Variants in TMPRSS11B observed in about 807,000 individuals in gnomAD.
TMPRSS11B encodes transmembrane serine protease 11B.
TMPRSS11B carries 53 observed loss-of-function variants against 44.7 expected under a neutral mutation model. The ratio of observed to expected loss-of-function variants is 1.19; its 90% confidence interval spans 0.95 to 1.49. The LOEUF (loss-of-function observed/expected upper bound fraction) is 1.49. Ranked by LOEUF, TMPRSS11B falls within the 40% of genes most tolerant of loss-of-function variation. The pLI is 0.00. For synonymous variants in TMPRSS11B, 140 were observed against 159.2 expected, an observed-to-expected ratio of 0.88 and a Z score of 0.91; for missense variants, 526 against 494.8, an observed-to-expected ratio of 1.06 and a Z score of -0.60.
intron 4 of TMPRSS11B, 129 bp from the exon 5 acceptor site, chr4:68,234,752 T>C: frequency 1.1e-6 from 1 of 882,242 alleles, no homozygotes; most frequent in Non-Finnish European, 1.7e-6. Flanking sequence ...ATACATATAC[T>C]ATCTAAGCAT....
rs948859664 is a variant in TMPRSS11B at position 68,232,402 on chromosome 4, C to G, written c.484G>C (p.Ala162Pro). 14 of 1,611,808 alleles carry G rather than the reference C, an allele frequency of 8.7e-6. No homozygotes were observed. Among genetic ancestry groups the G allele is most frequent in the Non-Finnish European group, 1.1e-5 (13 of 1,179,004 alleles). Reference sequence around the variant, plus strand: ...CAGTTGTTGGTAAGCATTTCAGAAGCAGCCTTGCTGATTTCTGAAAGTGAA... The same window carrying G: ...CAGTTGTTGGTAAGCATTTCAGAAGGAGCCTTGCTGATTTCTGAAAGTGAA... ...SIKLMEISKA[A>P]SEMLTNNCCG... Residue 162 changes from alanine to proline, a missense_variant, in exon 6 of 10, where the codon GCT becomes CCT. Transcript: ENST00000332644.
chr4:68,228,873 C>T lies in TMPRSS11B; in HGVS notation c.958G>A (p.Val320Met), dbSNP rs776564445. The T allele has an allele frequency of 6.2e-7, 1 of 1,612,414 alleles. No homozygotes were observed. ...GTLYMNGSFP[V>M]ILQEDFLKII... ...TTCAAAAAGTCTTCTTGAAGTATCA[C>T]TGGAAATGAACCTAAAAGCAATAAG... The change falls in exon 9 of 10, where the codon GTG becomes ATG. Residue 320 changes from valine to methionine, a missense_variant. Physicochemically the swap from Val to Met is conservative, Grantham distance 21. Transcript: ENST00000332644.
intron 1 of TMPRSS11B, among the ~76,000 whole-genome samples, chr4:68,242,592 C>A (rs1719892051): frequency 6.8e-6 from 1 of 146,816 alleles, no homozygotes; most frequent in East Asian, 2.0e-4. Flanking sequence ...TTTTTTGAGA[C>A]AGAGCCTCAC....
chr4:68,239,940 T>C (rs940486739), intron 2 of TMPRSS11B, among the ~76,000 whole-genome samples: 7 of 152,200 alleles, frequency 4.6e-5, no homozygotes, highest in African/African-American at 1.4e-4. Context: ...TGGTTATACA[T>C]GTGTATTAAG....
At chr4:68,238,844 AC>A (rs1264274538) in intron 2 of TMPRSS11B, among the ~76,000 whole-genome samples, 1 of 152,206 alleles carries the variant, frequency 6.6e-6, no homozygotes, top group Admixed American at 6.5e-5. Flanking sequence ...GAAGCTTGTC[AC>A]CAAATGACTA....
In TMPRSS11B at chr4:68,236,113, A is replaced by G. The variant is rs548583731; in HGVS notation, c.240+38T>C. 1.3e-5 allele frequency: 20 copies of G among 1,563,764 alleles called. No individual in the cohort carries two copies. In the East Asian group the frequency reaches 4.3e-4, roughly 34 times the overall value. On this transcript the variant is annotated intron_variant, in intron 3 of 9. Transcript: ENST00000332644. Reference sequence around the variant, plus strand: ...CAGTCATCATGTATGTTTCAATCAAATTTATAATAAAATTAATTTTAAAAA... The same window carrying G: ...CAGTCATCATGTATGTTTCAATCAAGTTTATAATAAAATTAATTTTAAAAA...
At position 68,239,264 on chromosome 4, in the gene TMPRSS11B, GCGCGCGCGCT is replaced by G. The variant is rs1560444270; in HGVS notation, c.124+2415_124+2424del. Among the ~76,000 whole-genome samples, 388 of 144,890 alleles carry G rather than the reference GCGCGCGCGCT, an allele frequency of 2.7e-3. 1 individual carries two copies. Among genetic ancestry groups the G allele is most frequent in the African/African-American group, 0.01 (371 of 36,622 alleles). On this transcript the variant is annotated intron_variant, in intron 2 of 9. Coordinates refer to ENST00000332644, the MANE Select transcript of TMPRSS11B (RefSeq NM_182502.3). ...AGATCTCTCTTGCGCGCTCTCTCTC[GCGCGCGCGCT>G]CTCTCTCTCGCACTCTATCTCTCTC...
chr4:68,231,084 A>G, intron 7 of TMPRSS11B, 119 bp downstream of exon 7: 14 of 810,516 alleles, frequency 1.7e-5, no homozygotes, highest in Non-Finnish European at 2.5e-5. Flanking sequence ...TAAATGTTCT[A>G]TGTGATTGTA....
chr4:68,242,282 TATTATATTATACATAATATAA>T (rs1200559502), intron 1 of TMPRSS11B, among the ~76,000 whole-genome samples: 2 of 78,510 alleles, frequency 2.5e-5, no homozygotes, highest in East Asian at 3.1e-4. Context: ...ATATTATATA[TATTATATTATACATAATATAA>T]TATATATAAT....
chr4:68,244,575 A>T lies in TMPRSS11B; in HGVS notation c.8+976T>A, dbSNP rs184063747. Among the ~76,000 whole-genome samples, 8 of 152,358 alleles carry T rather than the reference A, an allele frequency of 5.3e-5. No individual in the cohort carries two copies. In the East Asian group the frequency reaches 1.5e-3, roughly 29 times the overall value. ...CAGCTCCATCACAGGGGAAAAAAATAAATGAAAACTCATTGCCATTCTGGC... is the reference window on the plus strand; with the variant it reads ...CAGCTCCATCACAGGGGAAAAAAATTAATGAAAACTCATTGCCATTCTGGC... On this transcript the variant is annotated intron_variant, in intron 1 of 9. Coordinates refer to ENST00000332644, the MANE Select transcript of TMPRSS11B (RefSeq NM_182502.3).
Position 68,232,366 on chromosome 4 carries a change from T to A in TMPRSS11B, c.508+12A>T. 6.2e-7 allele frequency: 1 copy of A among 1,611,022 alleles called. No homozygotes were observed. On this transcript the variant is annotated intron_variant, in intron 6 of 9. Coordinates refer to ENST00000332644, the MANE Select transcript of TMPRSS11B (RefSeq NM_182502.3). ...GTCCATCAAATTTATAATTAAAAGG[T>A]CCTTAACTTACAGTTGTTGGTAAGC...
rs560205958 is a variant in TMPRSS11B, at chr4:68,245,303, A to G, written c.8+248T>C. 6.6e-5 allele frequency among the ~76,000 whole-genome samples: 10 copies of G among 152,266 alleles called. No homozygotes were observed. In the South Asian group the frequency reaches 2.1e-3, roughly 32 times the overall value. ...CCTCATTTCCTTAAGATTTCAGGTC[A>G]ATTATATATTTATATTCTTTCCCAG... On this transcript the variant is annotated intron_variant, in intron 1 of 9. Transcript: ENST00000332644.
chr4:68,229,120 T>C, intron 8 of TMPRSS11B, 137 bp downstream of exon 8: 1 of 1,006,128 alleles, frequency 9.9e-7, no homozygotes, highest in Non-Finnish European at 1.5e-6. Context: ...ATCATGCTTT[T>C]TGTCCCACCA....
chr4:68,234,649 G>A (rs1316345499), intron 4 of TMPRSS11B, 26 bp from the exon 5 acceptor site: 13 of 1,608,622 alleles, frequency 8.1e-6, no homozygotes, highest in African/African-American at 1.3e-5. Flanking sequence ...ATTTTCTAAT[G>A]TACTGTTTCT....
Position 68,231,202 on chromosome 4 carries a change from C to G in TMPRSS11B, c.686+1G>C. On this transcript the variant is annotated splice_donor_variant, in intron 7 of 9. Transcript: ENST00000332644. LOFTEE classifies it high-confidence loss of function. ...TCATTTAGTCAAATTTTCAAACTTA[C>G]TTAGCAAAGCAGTGAGCTGCAGATA... 1 of 1,599,838 alleles carries G rather than the reference C, an allele frequency of 6.3e-7. No individual in the cohort carries two copies. Among genetic ancestry groups the G allele is most frequent in the Non-Finnish European group, 8.5e-7 (1 of 1,174,358 alleles).
At chr4:68,242,240 TATATTATATATATTATA>T (rs1719854331) in intron 1 of TMPRSS11B, among the ~76,000 whole-genome samples, 1 of 82,116 alleles carries the variant, frequency 1.2e-5, no homozygotes, top group Non-Finnish European at 2.1e-5. Flanking sequence ...TTATATATAT[TATATTATATATATTATA>T]ATATATATAA....
chr4:68,231,002 C>G (rs1719494724), intron 7 of TMPRSS11B, among the ~76,000 whole-genome samples: 1 of 143,266 alleles, frequency 7.0e-6, no homozygotes, highest in South Asian at 2.4e-4. Context: ...ATTAATACTT[C>G]TATTTGCTTT....
In TMPRSS11B at chr4:68,236,270, C is replaced by A; in HGVS notation, c.125-4G>T. 3.3e-6 allele frequency: 5 copies of A among 1,536,120 alleles called. No individual in the cohort carries two copies. Among genetic ancestry groups the A allele is most frequent in the Admixed American group, 2.0e-5 (1 of 51,112 alleles). On this transcript the variant is annotated splice_region_variant and splice_polypyrimidine_tract_variant and intron_variant, in intron 2 of 9. Coordinates refer to ENST00000332644, the MANE Select transcript of TMPRSS11B (RefSeq NM_182502.3). ...CCTTGATAATAGTAAGTCTTCTCTGCAAAATTAAGAAAAAAAAACCTCAAA... is the reference window on the plus strand; with the variant it reads ...CCTTGATAATAGTAAGTCTTCTCTGAAAAATTAAGAAAAAAAAACCTCAAA...
chr4:68,237,836 T>G (rs1719717053), intron 2 of TMPRSS11B, among the ~76,000 whole-genome samples: 1 of 152,110 alleles, frequency 6.6e-6, no homozygotes, highest in Non-Finnish European at 1.5e-5. Context: ...GACAGCATAG[T>G]GAGAGCCTGT....
Sources: allele counts gnomAD v4.1 joint callset (sites outside exome capture counted in the v4.1 genomes callset), GRCh38; gene constraint gnomAD v4.1.1; transcripts MANE v1.5; gene names NCBI Gene and HGNC (gene_info 2026-07-23, HGNC 2026-07-21).